The following HELZ variants were observed in gnomAD, a reference collection of about 807,000 sequenced individuals.
HELZ encodes ATP-dependent RNA helicase with zinc finger domain.
In HELZ, 23 loss-of-function variants were observed where a neutral mutation model predicts 218.2. The ratio of observed to expected loss-of-function variants is 0.11; its 90% CI spans 0.08 to 0.15. The LOEUF (loss-of-function observed/expected upper bound fraction) is 0.15, where lower values mean the gene tolerates loss of function less well. Ranked by LOEUF, HELZ falls within the 10% of genes least tolerant of loss-of-function variation. HELZ has a pLI of 1.00. For missense variants in HELZ, 1,813 were observed against 2,353.7 expected (o/e 0.77, Z 4.75); for synonymous variants, 814 against 829.4 (o/e 0.98, Z 0.32).
intron 21 of HELZ, among the ~76,000 whole-genome samples, chr17:67,139,275 G>C (rs2038248616): frequency 6.6e-6 from 1 of 152,108 alleles, no homozygotes; most frequent in Non-Finnish European, 1.5e-5. Context: ...CACATACACA[G>C]ACTACCCAGG....
rs1318065379 is a variant in HELZ, at chr17:67,160,380, G to A, written c.2076-18C>T. On this transcript the variant is annotated intron_variant, in intron 16 of 32. Coordinates refer to ENST00000358691, the MANE Select transcript of HELZ (RefSeq NM_014877.4). ...TGAGAATCCTGCTGAAATAAATGGTGCAAATAAAAAGAATGATAAAACACA... is the reference window on the plus strand; with the variant it reads ...TGAGAATCCTGCTGAAATAAATGGTACAAATAAAAAGAATGATAAAACACA... 1.3e-6 allele frequency: 2 copies of A among 1,528,694 alleles called. No individual in the cohort carries two copies. Among genetic ancestry groups the A allele is most frequent in the Non-Finnish European group, 1.8e-6 (2 of 1,105,872 alleles). The allele number at this position is 1,528,694 out of a possible 1,614,324, so 94.7% of individuals were successfully genotyped here.
chr17:67,131,311 C>T (rs949857880), intron 23 of HELZ, among the ~76,000 whole-genome samples: 29 of 152,168 alleles, frequency 1.9e-4, no homozygotes, highest in African/African-American at 7.0e-4. Context: ...GTTCCTATAT[C>T]ACCCTCACTG....
At chr17:67,126,562 T>C (rs919340071) in intron 24 of HELZ, among the ~76,000 whole-genome samples, 6 of 152,174 alleles carry the variant, frequency 3.9e-5, no homozygotes, top group African/African-American at 1.4e-4. Context: ...AATAATAATG[T>C]AGCAGGCTGG....
chr17:67,242,948 CA>C (rs956420546), intron 2 of HELZ, among the ~76,000 whole-genome samples: 11 of 138,628 alleles, frequency 7.9e-5, no homozygotes, highest in Middle Eastern at 3.6e-3. Context: ...GGAGAAACAA[CA>C]AAAAAAAAAC....
At chr17:67,088,480 A>G (rs929509946) in intron 31 of HELZ, among the ~76,000 whole-genome samples, 4 of 152,028 alleles carry the variant, frequency 2.6e-5, no homozygotes, top group Non-Finnish European at 5.9e-5. Context: ...GTAAGCACTG[A>G]GAGTATTAAG....
intron 31 of HELZ, 27 bp from the exon 32 acceptor site, chr17:67,087,108 A>G (rs767069043): frequency 6.2e-7 from 1 of 1,610,864 alleles, no homozygotes; most frequent in Non-Finnish European, 8.5e-7. Flanking sequence ...AACATTTCAT[A>G]AATCAGTGCA....
In HELZ at chr17:67,214,786, A is replaced by C. The variant is rs201754173; in HGVS notation, c.247+1113T>G. 2.0e-5 allele frequency among the ~76,000 whole-genome samples: 3 copies of C among 152,238 alleles called. No homozygotes were observed. The East Asian group carries it at 5.8e-4, about 29-fold the overall frequency. ...TAGATTCATTCTAGTAAACAGCAAC[A>C]ACCACAAAGAAAAGGATTCCTATCA... On this transcript the variant is annotated intron_variant, in intron 5 of 32. Transcript: ENST00000358691.
At chr17:67,079,302 A>C (rs2036114161) in intron 32 of HELZ, among the ~76,000 whole-genome samples, 1 of 152,220 alleles carries the variant, frequency 6.6e-6, no homozygotes, top group Admixed American at 6.5e-5. Context: ...AAATTTCAGA[A>C]AAGTCCAAAG....
At chr17:67,163,444 G>A (rs1305723100) in intron 15 of HELZ, among the ~76,000 whole-genome samples, 1 of 151,778 alleles carries the variant, frequency 6.6e-6, no homozygotes, top group Non-Finnish European at 1.5e-5. Flanking sequence ...TGTCGCCCAG[G>A]CTGGAGTGCA....
chr17:67,245,323 C>T (rs561165472), upstream of HELZ: 6 of 758,882 alleles, frequency 7.9e-6, no homozygotes, highest in African/African-American at 7.6e-5. Context: ...GGTGGACTGC[C>T]GACCCCGGCG....
In HELZ at chr17:67,161,014, A is replaced by G; in HGVS notation, c.1958T>C (p.Ile653Thr). 1 of 1,613,838 alleles carries G rather than the reference A, an allele frequency of 6.2e-7. No homozygotes were observed. The highest frequency in any genetic ancestry group is 8.5e-7 in the Non-Finnish European group (1 of 1,179,822). Residue 653 changes from isoleucine (I) to threonine (T), a missense_variant, in exon 16 of 33, where the codon ATT becomes ACT. Transcript: ENST00000358691. ...CAGCTGGATTGCAAGTGGAGTGGTAATGGCCAGAACAGCCTCTTTCTGTTT... is the reference window on the plus strand; with the variant it reads ...CAGCTGGATTGCAAGTGGAGTGGTAGTGGCCAGAACAGCCTCTTTCTGTTT... ...NAKQKEAVLA[I>T]TTPLAIQLPP...
rs11657929 is a variant in HELZ at position 67,108,550 on chromosome 17, T to A, written c.4666A>T (p.Arg1556Trp). The A allele has an allele frequency of 1.4e-5, 22 of 1,613,852 alleles. No individual in the cohort carries two copies. The highest frequency in any genetic ancestry group is 6.7e-5 in the East Asian group (3 of 44,860). The change falls in exon 30 of 33, where the codon AGG becomes TGG. Residue 1556 changes from arginine (R) to tryptophan (W), a missense_variant. Around this residue, in one of 4 missense-constraint regions of HELZ, gnomAD observed 938 missense variants for 1,027.5 expected, o/e 0.91. Transcript: ENST00000358691. This position sits in a 1 kb window ranked among gnomAD's most constrained non-coding sequence, Gnocchi z 4.1. Reference sequence around the variant, plus strand: ...CTGCTGGTGAGCTTCCAGTCTGCCCTCACTGGCGGCTGATGTAATCCCAGG... The same window carrying A: ...CTGCTGGTGAGCTTCCAGTCTGCCCACACTGGCGGCTGATGTAATCCCAGG... ...PPLGLHQPPV[R>W]ADWKLTSSAE...
intron 32 of HELZ, among the ~76,000 whole-genome samples, chr17:67,080,518 G>A (rs2036156345): frequency 6.6e-6 from 1 of 152,146 alleles, no homozygotes; most frequent in African/African-American, 2.4e-5. Flanking sequence ...CTCACAGGTT[G>A]CTTCTCATAT....
At position 67,077,950 on chromosome 17, in the gene HELZ, T is replaced by TA. The variant is rs556982516; in HGVS notation, c.*301dup. The TA allele has an allele frequency of 9.1e-3, 1,513 of 165,626 alleles. 16 individuals are homozygous for TA. Among genetic ancestry groups the TA allele is most frequent in the South Asian group, 0.017 (83 of 4,952 alleles). 10.3% of individuals were successfully genotyped at this position (165,626 alleles called of 1,614,324 possible). Reference sequence around the variant, plus strand: ...AAACTTTTCTTTTTTTTTTTTTTTTTATAGTTGCACAATTAACCTCTTGGC... The same window carrying TA: ...AAACTTTTCTTTTTTTTTTTTTTTTTAATAGTTGCACAATTAACCTCTTGGC... On this transcript the variant is annotated 3_prime_UTR_variant, in exon 33 of 33. Coordinates refer to ENST00000358691, the MANE Select transcript of HELZ (RefSeq NM_014877.4).
At chr17:67,175,740 C>G (rs1354747742) in intron 13 of HELZ, among the ~76,000 whole-genome samples, 2 of 152,130 alleles carry the variant, frequency 1.3e-5, no homozygotes, top group Non-Finnish European at 2.9e-5. Flanking sequence ...CCAGAAATTC[C>G]AGAATTCTCT....
At chr17:67,110,505 T>C (rs1018961549) in intron 28 of HELZ, among the ~76,000 whole-genome samples, 1 of 152,238 alleles carries the variant, frequency 6.6e-6, no homozygotes, top group Non-Finnish European at 1.5e-5. Context: ...AGTTTGGTTG[T>C]CAATTTTTCC....
Position 67,178,766 on chromosome 17 carries a change from T to G in HELZ, c.1323A>C (p.Leu441=). ...RYQIPLSADQ[L]FTQSVLDKSL... Reference sequence around the variant, plus strand: ...ATTTGTCTAAAACGGACTGAGTAAATAGCTGGTCAGCAGAGAGGGGAATTT... The same window carrying G: ...ATTTGTCTAAAACGGACTGAGTAAAGAGCTGGTCAGCAGAGAGGGGAATTT... The change falls in exon 13 of 33, where the codon CTA becomes CTC. Residue 441 remains leucine, a synonymous_variant. Coordinates refer to ENST00000358691, the MANE Select transcript of HELZ (RefSeq NM_014877.4). The G allele has an allele frequency of 3.1e-6, 5 of 1,613,966 alleles. No homozygotes were observed. Among genetic ancestry groups the G allele is most frequent in the Non-Finnish European group, 4.2e-6 (5 of 1,179,908 alleles).
intron 23 of HELZ, among the ~76,000 whole-genome samples, chr17:67,131,966 G>A (rs985266339): frequency 2.0e-5 from 3 of 151,940 alleles, no homozygotes; most frequent in African/African-American, 7.3e-5. Context: ...TCACCACTCT[G>A]GTTAAAGATT....
intron 12 of HELZ, among the ~76,000 whole-genome samples, chr17:67,182,888 C>G (rs2039652774): frequency 6.6e-6 from 1 of 152,052 alleles, no homozygotes; most frequent in South Asian, 2.1e-4. Context: ...TATAGTATAG[C>G]AGACTTGAAA....
Sources: gnomAD v4.1 joint callset for allele counts (sites outside exome capture counted in the v4.1 genomes callset) on GRCh38, gnomAD v4.1.1 for gene constraint, gnomAD v4.1.1 regional missense constraint, Gnocchi (gnomAD v3.1) non-coding constraint, MANE v1.5 for transcripts, NCBI Gene and HGNC (gene_info 2026-07-23, HGNC 2026-07-21) for gene names.